DNAH3: variants seen among roughly 807,000 people sequenced by gnomAD.
DNAH3 encodes the protein dynein axonemal heavy chain 3, also known as axonemal beta dynein heavy chain 3.
DNAH3 carries 332 observed loss-of-function variants against 432.5 expected under a neutral mutation model. That is an observed-to-expected ratio of 0.77 (90% CI 0.70 to 0.84). DNAH3 has a LOEUF of 0.84. Ranked by LOEUF, DNAH3 falls within the 40% of genes least tolerant of loss-of-function variation. The pLI, the probability that DNAH3 is intolerant of heterozygous loss-of-function variation, is 0.00. For missense variants in DNAH3, 4,861 were observed against 5,114.0 expected (o/e 0.95, Z 1.51); for synonymous variants, 1,956 against 1,900.2 (o/e 1.03, Z -0.76).
At chr16:21,098,337 G>A (rs1409558666) in intron 17 of DNAH3, among the ~76,000 whole-genome samples, 2 of 151,636 alleles carry the variant, frequency 1.3e-5, no homozygotes, top group Non-Finnish European at 2.9e-5. Context: ...TACTTGGAAG[G>A]CTGAGGCAGG....
chr16:21,032,329 G>A (rs866109611), intron 36 of DNAH3, among the ~76,000 whole-genome samples: 2 of 152,130 alleles, frequency 1.3e-5, no homozygotes, highest in South Asian at 2.1e-4. Context: ...CCCCGAAATC[G>A]TTCTTGACTG....
chr16:21,060,370 CA>C lies in DNAH3; in HGVS notation c.3721-15del, dbSNP rs2090302493. The C allele has an allele frequency of 6.2e-7, 1 of 1,609,264 alleles. No individual in the cohort carries two copies. The highest frequency in any genetic ancestry group is 8.5e-7 in the Non-Finnish European group (1 of 1,176,236). Reference sequence around the variant, plus strand: ...TTCCACCATGCCCTATGGAGCAAGACAGAGAGAGGGTGCAGCAGTCAACCAA... The same window carrying C: ...TTCCACCATGCCCTATGGAGCAAGACGAGAGAGGGTGCAGCAGTCAACCAA... On this transcript the variant is annotated splice_polypyrimidine_tract_variant and intron_variant, in intron 25 of 61. Coordinates refer to ENST00000261383, the Ensembl canonical transcript of DNAH3.
At chr16:20,998,701 C>T (rs565738946) in intron 43 of DNAH3, among the ~76,000 whole-genome samples, 4 of 145,144 alleles carry the variant, frequency 2.8e-5, no homozygotes, top group Non-Finnish European at 4.5e-5. Context: ...GAGATCGCAC[C>T]ACTGCACTCC....
At chr16:21,076,316 T>A (rs1433171252) in intron 20 of DNAH3, among the ~76,000 whole-genome samples, 1 of 152,182 alleles carries the variant, frequency 6.6e-6, no homozygotes, top group African/African-American at 2.4e-5. Context: ...GACAGCCATC[T>A]GCAAGCCAAG....
At chr16:21,124,849 C>T (rs2092414926) in intron 9 of DNAH3, among the ~76,000 whole-genome samples, 1 of 152,164 alleles carries the variant, frequency 6.6e-6, no homozygotes, top group East Asian at 1.9e-4. Context: ...AGGGTTTCAC[C>T]ATGATGGCCA....
intron 33 of DNAH3, among the ~76,000 whole-genome samples, chr16:21,039,054 C>A (rs752754331): frequency 1.3e-5 from 2 of 152,080 alleles, no homozygotes; most frequent in Non-Finnish European, 2.9e-5. Flanking sequence ...TGTATACACA[C>A]GTACACACTT....
At chr16:21,119,468 C>G (rs780909765) in intron 11 of DNAH3, among the ~76,000 whole-genome samples, 1 of 151,506 alleles carries the variant, frequency 6.6e-6, no homozygotes, top group Non-Finnish European at 1.5e-5. Flanking sequence ...CCTGTCTCTA[C>G]AAAATACAAA....
intron 27 of DNAH3, among the ~76,000 whole-genome samples, chr16:21,055,827 C>T (rs1262950568): frequency 6.7e-6 from 1 of 148,358 alleles, no homozygotes; most frequent in African/African-American, 2.5e-5. Flanking sequence ...CTCACTGAAA[C>T]CTCGACCTCC....
chr16:21,145,749 ACAG>A (rs1264409649), intron 2 of DNAH3, among the ~76,000 whole-genome samples: 1 of 152,244 alleles, frequency 6.6e-6, no homozygotes, highest in Non-Finnish European at 1.5e-5. Flanking sequence ...TTTAAATAAC[ACAG>A]CAGATCAGTG....
intron 25 of DNAH3, among the ~76,000 whole-genome samples, chr16:21,061,376 C>T (rs1157234545): frequency 2.6e-5 from 4 of 151,548 alleles, no homozygotes; most frequent in South Asian, 2.1e-4. Context: ...GCTGGGATTA[C>T]AGCATGTGCC....
intron 44 of DNAH3, 125 bp from the exon 45 acceptor site, chr16:20,988,190 A>G (rs2086305729): frequency 4.9e-6 from 6 of 1,214,786 alleles, no homozygotes; most frequent in Admixed American, 4.5e-5. Context: ...GTGCTGTGCA[A>G]TATGGCAACC....
chr16:21,134,504 C>T, intron 6 of DNAH3, 50 bp from the exon 8 acceptor site: 23 of 1,527,472 alleles, frequency 1.5e-5, no homozygotes, highest in Non-Finnish European at 2.1e-5. Context: ...AAGGGTTGTG[C>T]TCTTAGCTTC....
chr16:21,128,728 G>A (rs1214615884), intron 7 of DNAH3, among the ~76,000 whole-genome samples: 2 of 150,520 alleles, frequency 1.3e-5, no homozygotes, highest in African/African-American at 4.9e-5. Flanking sequence ...GTGTGGTGGT[G>A]CACACCTGTA....
At position 21,097,485 on chromosome 16, in the gene DNAH3, C is replaced by T. The variant is rs1420779788; in HGVS notation, c.2535G>A (p.Glu845=). ...TCTTCTCCTTTTCCAATAGCTCTTC[C>T]TCCTTATTGATCAACTGCAGGGCAA... Residue 845 remains glutamate (E), a synonymous_variant, in exon 18 of 62, where the codon GAG becomes GAA. Transcript: ENST00000261383. 6 of 1,613,478 alleles carry T rather than the reference C, an allele frequency of 3.7e-6. No homozygotes were observed. The South Asian group carries it at 6.6e-5, about 18-fold the overall frequency.
In DNAH3 at chr16:21,122,052, C is replaced by G. The variant is rs751064197; in HGVS notation, c.1477G>C (p.Glu493Gln). Residue 493 changes from glutamate (E) to glutamine (Q), a missense_variant, in exon 10 of 62, where the codon GAA (glutamate) becomes CAA (glutamine). Transcript: ENST00000261383. The stretch of plus-strand genomic sequence containing the variant: ...AAGACAATAATGGGTTCACTGACTT[C>G]AAGTTTGATCATGATTAGCTGAGGT... The G allele has an allele frequency of 2.5e-6, 4 of 1,613,824 alleles. No homozygotes were observed. In the East Asian group the frequency reaches 8.9e-5, roughly 36 times the overall value.
intron 19 of DNAH3, among the ~76,000 whole-genome samples, chr16:21,085,349 G>C (rs28711282): frequency 0.099 from 15,016 of 151,798 alleles, 999 homozygotes; most frequent in Middle Eastern, 0.17. Flanking sequence ...TTCAAGACCA[G>C]CCTGGCCAAC....
At chr16:21,098,701 A>G in exon 17 of DNAH3, 1 of 1,613,566 alleles carries the variant, frequency 6.2e-7, no homozygotes, top group Non-Finnish European at 8.5e-7. Context: ...TGTAGTCATC[A>G]CTTCGCGCTT....
At chr16:21,059,432 T>C (rs966156135) in intron 26 of DNAH3, among the ~76,000 whole-genome samples, 50 of 152,232 alleles carry the variant, frequency 3.3e-4, no homozygotes, top group African/African-American at 1.1e-3. Flanking sequence ...TGTGAGGGTG[T>C]TGAGTATTGC....
At chr16:20,984,192 C>A (rs758485429) in intron 48 of DNAH3, among the ~76,000 whole-genome samples, 1 of 148,842 alleles carries the variant, frequency 6.7e-6, no homozygotes, top group African/African-American at 2.6e-5. Flanking sequence ...TATGTGTGCA[C>A]GTGTGCGCAT....
Sources: allele counts gnomAD v4.1 joint callset (sites outside exome capture counted in the v4.1 genomes callset), GRCh38; gene constraint gnomAD v4.1.1; transcripts MANE v1.5; gene names NCBI Gene and HGNC (gene_info 2026-07-23, HGNC 2026-07-21).